NEGR1: variants seen among roughly 807,000 people sequenced by gnomAD.
NEGR1 encodes the protein IgLON family member 4.
Under a neutral mutation model 40.9 loss-of-function variants are expected in NEGR1, and 10 were observed. The observed-to-expected ratio is 0.24, with a 90% CI of 0.15 to 0.42. The LOEUF is 0.42. NEGR1 is among the 10% of genes least tolerant of loss of function. NEGR1 has a pLI of 1.00. For missense variants in NEGR1, 352 were observed against 438.9 expected, an observed-to-expected ratio of 0.80 and a Z score of 1.77; for synonymous variants, 185 against 166.8, an observed-to-expected ratio of 1.11 and a Z score of -0.84.
intron 6 of NEGR1, among the ~76,000 whole-genome samples, chr1:71,558,697 A>G (rs1440786408): frequency 1.4e-5 from 2 of 146,964 alleles, no homozygotes; most frequent in Non-Finnish European, 3.0e-5. Flanking sequence ...TCCTTCTGAC[A>G]TGCACCTCAT....
chr1:71,751,755 T>G (rs942318855), intron 3 of NEGR1, among the ~76,000 whole-genome samples: 3 of 151,692 alleles, frequency 2.0e-5, no homozygotes, highest in Non-Finnish European at 2.9e-5. Context: ...CCTATTGGGC[T>G]CAGAGCAGCA....
At chr1:72,278,556 T>C (rs997946250) in intron 1 of NEGR1, among the ~76,000 whole-genome samples, 1 of 152,096 alleles carries the variant, frequency 6.6e-6, no homozygotes, top group African/African-American at 2.4e-5. Flanking sequence ...CAAAATGATT[T>C]TTTTAAGTCT....
At chr1:71,640,506 CA>C (rs1651314348) in intron 4 of NEGR1, among the ~76,000 whole-genome samples, 1 of 152,016 alleles carries the variant, frequency 6.6e-6, no homozygotes, top group Non-Finnish European at 1.5e-5. Flanking sequence ...CCTCTCTTAA[CA>C]AAAGGGATGG....
chr1:71,980,633 T>C (rs1392853776), intron 1 of NEGR1, among the ~76,000 whole-genome samples: 1 of 152,260 alleles, frequency 6.6e-6, no homozygotes, highest in East Asian at 1.9e-4. Context: ...TGGCTTCTTC[T>C]CATCTACAAA....
At chr1:71,937,897 G>A (rs1029398354) in intron 1 of NEGR1, among the ~76,000 whole-genome samples, 2 of 151,972 alleles carry the variant, frequency 1.3e-5, no homozygotes, top group Admixed American at 1.3e-4. Flanking sequence ...TTATTTGGGG[G>A]GTATTAGGGA....
intron 6 of NEGR1, chr1:71,421,408 C>G (rs1218041151): frequency 6.6e-6 from 1 of 151,988 alleles, no homozygotes; most frequent in Non-Finnish European, 1.5e-5. Flanking sequence ...AGCTCGAGGT[C>G]AGGGCTTGAA....
chr1:71,664,555 A>G (rs144104989), intron 4 of NEGR1, among the ~76,000 whole-genome samples: 68 of 152,192 alleles, frequency 4.5e-4, no homozygotes, highest in African/African-American at 1.5e-3. Context: ...AATTTAGAAG[A>G]GAAGGGAGGG....
chr1:71,952,073 A>C (rs1646075773), intron 1 of NEGR1, among the ~76,000 whole-genome samples: 1 of 151,944 alleles, frequency 6.6e-6, no homozygotes, highest in Non-Finnish European at 1.5e-5. Context: ...TTGCAATCAG[A>C]CCAATTAAAA....
intron 6 of NEGR1, among the ~76,000 whole-genome samples, chr1:71,450,668 G>T (rs1296415898): frequency 1.3e-5 from 2 of 151,904 alleles, no homozygotes; most frequent in Non-Finnish European, 2.9e-5. Context: ...AAATTAGCTG[G>T]GCATGGTGGC....
chr1:71,898,386 C>G (rs749993835), intron 2 of NEGR1, among the ~76,000 whole-genome samples: 1 of 152,102 alleles, frequency 6.6e-6, no homozygotes, highest in Admixed American at 6.6e-5. Flanking sequence ...GAGGCTGAGG[C>G]GGGCAGATCA....
At chr1:71,712,811 A>C (rs1262515178) in intron 3 of NEGR1, among the ~76,000 whole-genome samples, 1 of 152,020 alleles carries the variant, frequency 6.6e-6, no homozygotes, top group East Asian at 1.9e-4. Flanking sequence ...ATAGTGAGTG[A>C]GTTCTCATAA....
intron 2 of NEGR1, among the ~76,000 whole-genome samples, chr1:71,898,906 TATATTGCA>T (rs1282748028): frequency 1.0e-5 from 1 of 96,458 alleles, no homozygotes; most frequent in African/African-American, 4.0e-5. Flanking sequence ...CAAATATATA[TATATTGCA>T]AATATATATT....
intron 1 of NEGR1, among the ~76,000 whole-genome samples, chr1:72,003,656 C>A (rs1457324446): frequency 1.3e-5 from 2 of 152,002 alleles, no homozygotes; most frequent in Non-Finnish European, 2.9e-5. Context: ...TCCTAATAGA[C>A]TTTCCTTATC....
chr1:71,494,375 C>T (rs1284306447), intron 6 of NEGR1, among the ~76,000 whole-genome samples: 4 of 152,202 alleles, frequency 2.6e-5, no homozygotes, highest in East Asian at 1.9e-4. Flanking sequence ...GATTGGCAAA[C>T]TCTGTGTGTA....
At chr1:72,011,676 A>G (rs1482712742) in intron 1 of NEGR1, among the ~76,000 whole-genome samples, 1 of 152,176 alleles carries the variant, frequency 6.6e-6, no homozygotes, top group East Asian at 1.9e-4. Flanking sequence ...AAGTAACAGA[A>G]GTAATAGTGT....
intron 5 of NEGR1, among the ~76,000 whole-genome samples, chr1:71,598,556 T>A (rs1649817017): frequency 6.6e-6 from 1 of 152,160 alleles, no homozygotes; most frequent in Non-Finnish European, 1.5e-5. Context: ...TAGAGTAGGT[T>A]CTCTCCTCCT....
intron 1 of NEGR1, among the ~76,000 whole-genome samples, chr1:72,032,135 A>T (rs1056271086): frequency 1.3e-5 from 2 of 152,194 alleles, no homozygotes; most frequent in Non-Finnish European, 2.9e-5. Flanking sequence ...CTGCATATGG[A>T]AGATGACTTA....
chr1:72,119,121 G>C (rs1649697050), intron 1 of NEGR1, among the ~76,000 whole-genome samples: 2 of 151,698 alleles, frequency 1.3e-5, no homozygotes, highest in South Asian at 4.1e-4. Context: ...TCGTACTTTA[G>C]ATATGATTTA....
At chr1:71,533,911 G>T (rs1366903273) in intron 6 of NEGR1, among the ~76,000 whole-genome samples, 1 of 151,628 alleles carries the variant, frequency 6.6e-6, no homozygotes, top group Non-Finnish European at 1.5e-5. Context: ...AGTAGCCTGA[G>T]ATCCTTAATT....
Sources: gnomAD v4.1 joint callset for allele counts (sites outside exome capture counted in the v4.1 genomes callset) on GRCh38, gnomAD v4.1.1 for gene constraint, MANE v1.5 for transcripts, NCBI Gene and HGNC (gene_info 2026-07-23, HGNC 2026-07-21) for gene names.